The following CDK17 variants were observed in gnomAD, a reference collection of about 807,000 sequenced individuals.
CDK17 encodes cyclin dependent kinase 17.
In CDK17, 24 loss-of-function variants were observed where a neutral mutation model predicts 77.6. The ratio of observed to expected loss-of-function variants is 0.31; its 90% confidence interval spans 0.22 to 0.44. The LOEUF (loss-of-function observed/expected upper bound fraction) is 0.44. Ranked by LOEUF, CDK17 falls within the 20% of genes least tolerant of loss-of-function variation. The probability of loss-of-function intolerance (pLI) is 1.00; values close to 1 mark genes in which losing one functional copy is unlikely to be tolerated. For missense variants in CDK17, 429 were observed against 622.5 expected (o/e 0.69, Z 3.31); for synonymous variants, 203 against 210.4 (o/e 0.96, Z 0.30).
chr12:96,372,713 TTTAC>T (rs148256758), intron 1 of CDK17, among the ~76,000 whole-genome samples: 140 of 152,262 alleles, frequency 9.2e-4, no homozygotes, highest in Non-Finnish European at 1.6e-3. Flanking sequence ...TTCTTCTAAT[TTTAC>T]TTATTTAGGA....
At chr12:96,347,849 C>A (rs989459145) in intron 1 of CDK17, among the ~76,000 whole-genome samples, 11 of 152,134 alleles carry the variant, frequency 7.2e-5, no homozygotes, top group African/African-American at 2.7e-4. Context: ...ATAAAAAGCT[C>A]TTTTCCAATC....
intron 3 of CDK17, among the ~76,000 whole-genome samples, chr12:96,314,114 G>A (rs1355555890): frequency 1.3e-5 from 2 of 152,172 alleles, no homozygotes; most frequent in South Asian, 2.1e-4. Context: ...AAAAAGGTGG[G>A]TTATGGCATG....
At position 96,293,909 on chromosome 12, in the gene CDK17, A is replaced by C. The variant is rs74959735; in HGVS notation, c.997+1090T>G. 4.9e-3 allele frequency among the ~76,000 whole-genome samples: 749 copies of C among 152,348 alleles called. 4 individuals carry two copies. Among genetic ancestry groups the C allele is most frequent in the Non-Finnish European group, 7.8e-3 (534 of 68,034 alleles). Reference sequence around the variant, plus strand: ...ACTCTAATTTTTGCTTGAAAACTTGAATTTTATTATTGGCAAGAAATACTG... The same window carrying C: ...ACTCTAATTTTTGCTTGAAAACTTGCATTTTATTATTGGCAAGAAATACTG... On this transcript the variant is annotated intron_variant, in intron 10 of 16. Transcript: ENST00000261211.
chr12:96,353,500 G>A (rs1267965983), intron 1 of CDK17, among the ~76,000 whole-genome samples: 1 of 150,024 alleles, frequency 6.7e-6, no homozygotes, highest in Non-Finnish European at 1.5e-5. Context: ...CTGTATGTGT[G>A]AAGTAAAGAA....
At chr12:96,373,931 A>G (rs1953736553) in intron 1 of CDK17, among the ~76,000 whole-genome samples, 3 of 152,220 alleles carry the variant, frequency 2.0e-5, no homozygotes, top group African/African-American at 7.2e-5. Flanking sequence ...CCTGGGCGAC[A>G]GAGCAAGACT....
intron 1 of CDK17, among the ~76,000 whole-genome samples, chr12:96,378,661 T>C (rs147644243): frequency 1.3e-5 from 2 of 152,358 alleles, no homozygotes; most frequent in East Asian, 3.9e-4. Context: ...ATAGAAAATG[T>C]TACATGTATA....
chr12:96,323,328 C>A (rs373239860), intron 3 of CDK17, among the ~76,000 whole-genome samples: 1 of 151,068 alleles, frequency 6.6e-6, no homozygotes, highest in African/African-American at 2.4e-5. Flanking sequence ...TAGCGGCATG[C>A]ACAGGTAGTT....
chr12:96,398,925 T>C (rs1373219312), intron 1 of CDK17, among the ~76,000 whole-genome samples: 1 of 152,154 alleles, frequency 6.6e-6, no homozygotes, highest in Non-Finnish European at 1.5e-5. Context: ...TTTTTGCCAC[T>C]TTTGCAAAAG....
intron 1 of CDK17, among the ~76,000 whole-genome samples, chr12:96,386,349 G>A (rs966272054): frequency 6.6e-6 from 1 of 152,020 alleles, no homozygotes; most frequent in Non-Finnish European, 1.5e-5. Flanking sequence ...ATTTATGTTC[G>A]TTAAAAACTG....
intron 3 of CDK17, among the ~76,000 whole-genome samples, chr12:96,316,607 C>A (rs1292543588): frequency 1.4e-5 from 2 of 138,840 alleles, no homozygotes; most frequent in Non-Finnish European, 3.1e-5. Flanking sequence ...AGCTGGAGAT[C>A]TGAGAACGGG....
At chr12:96,327,076 T>C (rs137932991) in intron 2 of CDK17, among the ~76,000 whole-genome samples, 1 of 152,250 alleles carries the variant, frequency 6.6e-6, no homozygotes, top group African/African-American at 2.4e-5. Flanking sequence ...TTAATCTTGA[T>C]TGCAGTGGTT....
chr12:96,380,340 G>A (rs183683658), intron 1 of CDK17, among the ~76,000 whole-genome samples: 10 of 146,930 alleles, frequency 6.8e-5, no homozygotes, highest in Admixed American at 4.1e-4. Context: ...AGAGTGCAAT[G>A]GTGCGATCTC....
At chr12:96,291,615 G>A (rs376259706) in intron 10 of CDK17, among the ~76,000 whole-genome samples, 10 of 148,064 alleles carry the variant, frequency 6.8e-5, no homozygotes, top group Middle Eastern at 3.5e-3. Context: ...TATAGTCCTT[G>A]ACATTCCTTT....
intron 1 of CDK17, among the ~76,000 whole-genome samples, chr12:96,347,894 G>A (rs891671655): frequency 2.6e-5 from 4 of 151,974 alleles, no homozygotes; most frequent in African/African-American, 9.7e-5. Context: ...GAAACAGAAG[G>A]AAAACCGGAA....
chr12:96,366,540 A>C (rs1265445115), intron 1 of CDK17, among the ~76,000 whole-genome samples: 1 of 152,238 alleles, frequency 6.6e-6, no homozygotes, highest in Non-Finnish European at 1.5e-5. Flanking sequence ...TAAGCAGCTT[A>C]AACAGCACTG....
Position 96,282,527 on chromosome 12 carries a change from T to A in CDK17, c.1438A>T (p.Ile480Leu). 1.2e-6 allele frequency: 2 copies of A among 1,607,840 alleles called. No homozygotes were observed. Among genetic ancestry groups the A allele is most frequent in the Non-Finnish European group, 1.7e-6 (2 of 1,174,292 alleles). Residue 480 changes from isoleucine to leucine, a missense_variant, in exon 15 of 17, where the codon ATA (isoleucine) becomes TTA (leucine). Physicochemically the swap from Ile to Leu is conservative, Grantham distance 5. Around this residue, in one of 4 missense-constraint regions of CDK17, gnomAD observed 115 missense variants for 124.2 expected, o/e 0.93. Transcript: ENST00000261211. Reference protein sequence around the residue: ...HVYFRSLGPRIHALPESVSIF... With the variant: ...HVYFRSLGPRLHALPESVSIF... ...CTCTTACTTTCTGGTAAAGCATGTATTCTTGGTCCCAGACTTCGAAAGTAC... is the reference window on the plus strand; with the variant it reads ...CTCTTACTTTCTGGTAAAGCATGTAATCTTGGTCCCAGACTTCGAAAGTAC...
At chr12:96,314,910 GAC>G (rs1254401998) in intron 3 of CDK17, among the ~76,000 whole-genome samples, 1 of 152,082 alleles carries the variant, frequency 6.6e-6, no homozygotes, top group African/African-American at 2.4e-5. Context: ...TCTAATCTCA[GAC>G]ACAGTTGACT....
At chr12:96,353,524 A>G (rs1307030205) in intron 1 of CDK17, among the ~76,000 whole-genome samples, 1 of 148,086 alleles carries the variant, frequency 6.8e-6, no homozygotes, top group South Asian at 2.2e-4. Context: ...CACTGCCATT[A>G]TTTTGAAATA....
intron 6 of CDK17, 31 bp downstream of exon 6, chr12:96,300,273 T>C (rs373640719): frequency 6.9e-7 from 1 of 1,451,420 alleles, no homozygotes; most frequent in African/African-American, 1.4e-5. Flanking sequence ...AAGAAAAAAA[T>C]GTGTCTTACA....
Sources: gnomAD v4.1 joint callset for allele counts (sites outside exome capture counted in the v4.1 genomes callset) on GRCh38, gnomAD v4.1.1 for gene constraint, gnomAD v4.1.1 regional missense constraint, MANE v1.5 for transcripts, NCBI Gene and HGNC (gene_info 2026-07-23, HGNC 2026-07-21) for gene names.